ADGRG6: variants seen among roughly 807,000 people sequenced by gnomAD.
The protein encoded by ADGRG6 is G-protein coupled receptor 126.
A neutral mutation model predicts 142.4 loss-of-function variants in ADGRG6; 84 were observed. The observed-to-expected ratio is 0.59, with a 90% CI of 0.49 to 0.71. The LOEUF (loss-of-function observed/expected upper bound fraction) is 0.71. Among genes scored for constraint, ADGRG6 ranks in the 30% least tolerant of loss-of-function variants. The probability of loss-of-function intolerance (pLI) is 0.00; values close to 1 mark genes in which losing one functional copy is unlikely to be tolerated. For synonymous variants in ADGRG6, 521 were observed against 520.5 expected (o/e 1.00, Z -0.01); for missense variants, 1,367 against 1,466.6 (o/e 0.93, Z 1.11).
intron 4 of ADGRG6, among the ~76,000 whole-genome samples, chr6:142,373,335 G>T (rs1417332035): frequency 6.6e-6 from 1 of 151,458 alleles, no homozygotes; most frequent in Admixed American, 6.6e-5. Flanking sequence ...CTGGCCAGCA[G>T]TGCATTCTGT....
At chr6:142,377,312 C>T (rs533459397) in intron 4 of ADGRG6, among the ~76,000 whole-genome samples, 1 of 152,320 alleles carries the variant, frequency 6.6e-6, no homozygotes, top group East Asian at 1.9e-4. Context: ...CCCTCCACCT[C>T]ACTGATTGAT....
At chr6:142,389,581 CA>C (rs1774771758) in intron 6 of ADGRG6, among the ~76,000 whole-genome samples, 1 of 151,840 alleles carries the variant, frequency 6.6e-6, no homozygotes, top group East Asian at 1.9e-4. Context: ...ATCTTCTTTA[CA>C]ATAAGGTTTT....
At chr6:142,435,183 A>G (rs960644654) in intron 22 of ADGRG6, among the ~76,000 whole-genome samples, 10 of 152,128 alleles carry the variant, frequency 6.6e-5, no homozygotes, top group African/African-American at 2.4e-4. Flanking sequence ...CCTTTGTTCC[A>G]TGAATACAAG....
chr6:142,443,476 TATC>T lies in ADGRG6; in HGVS notation c.3717_3719del (p.Ile1239del), dbSNP rs763903726. On this transcript the variant is annotated inframe_deletion, in exon 25 of 25. Transcript: ENST00000367609. ...ATTCAGACAACTTCTATAAAAATAT[TATC>T]ATGTCAGACACCTTCAGCCACAGCA... 2 of 1,612,076 alleles carry T rather than the reference TATC, an allele frequency of 1.2e-6. No homozygotes were observed. Among genetic ancestry groups the T allele is most frequent in the Admixed American group, 3.3e-5 (2 of 59,928 alleles).
Position 142,370,715 on chromosome 6 carries a change from G to A in ADGRG6, c.991G>A (p.Gly331Arg), listed in dbSNP as rs1781201835. The change falls in exon 4 of 25, where the codon GGG (glycine) becomes AGG (arginine). Residue 331 changes from glycine (G) to arginine (R), a missense_variant. Transcript: ENST00000367609. ...CTCCAACCTCAGCTGTAATGTGAAA[G>A]GGAATGTAGTCGACTGGCAAAATGA... is the stretch of plus-strand genomic sequence containing the variant. The part of the protein sequence containing the change: ...ILSNLSCNVK[G>R]NVVDWQNDFW... 1 of 1,613,560 alleles carries A rather than the reference G, an allele frequency of 6.2e-7. No homozygotes were observed. The highest frequency in any genetic ancestry group is 1.1e-5 in the South Asian group (1 of 91,068).
chr6:142,307,534 G>A (rs1777563487), intron 1 of ADGRG6, among the ~76,000 whole-genome samples: 1 of 151,908 alleles, frequency 6.6e-6, no homozygotes, highest in South Asian at 2.1e-4. Context: ...CGTTTTAAAA[G>A]CCCCTACAGA....
At chr6:142,366,766 A>AG (rs1258511241) in intron 2 of ADGRG6, among the ~76,000 whole-genome samples, 4 of 151,844 alleles carry the variant, frequency 2.6e-5, no homozygotes, top group Non-Finnish European at 5.9e-5. Flanking sequence ...AAAAAAAAAA[A>AG]AAGATTCCTT....
At chr6:142,437,321 T>C (rs1475711114) in intron 22 of ADGRG6, 113 bp from the exon 23 acceptor site, 1 of 576,016 alleles carries the variant, frequency 1.7e-6, no homozygotes. Flanking sequence ...TCTTTGTTTC[T>C]TAGTGCCTTT....
At chr6:142,435,065 A>G (rs541191837) in intron 22 of ADGRG6, among the ~76,000 whole-genome samples, 25 of 152,110 alleles carry the variant, frequency 1.6e-4, no homozygotes, top group Non-Finnish European at 3.4e-4. Context: ...ACAAGCTGCA[A>G]TGTAGTTTTC....
chr6:142,313,641 T>C (rs1009972306), intron 2 of ADGRG6, among the ~76,000 whole-genome samples: 4 of 152,174 alleles, frequency 2.6e-5, no homozygotes, highest in Non-Finnish European at 4.4e-5. Flanking sequence ...GGGCACAGCA[T>C]AGTTCTGGAA....
chr6:142,424,221 G>C (rs1776819448), intron 22 of ADGRG6, among the ~76,000 whole-genome samples: 1 of 111,206 alleles, frequency 9.0e-6, no homozygotes, highest in Non-Finnish European at 1.9e-5. Flanking sequence ...AATAGGAGTG[G>C]TGAGAGAGGG....
rs563781049 is a variant in ADGRG6, at chr6:142,389,838, A to T, written c.1223-420A>T. Among the ~76,000 whole-genome samples, 199 of 151,976 alleles carry T rather than the reference A, an allele frequency of 1.3e-3. 1 individual carries two copies. The highest frequency in any genetic ancestry group is 4.5e-3 in the African/African-American group (187 of 41,554). ...TCTGCTTTTTCAAGTTAATTCCTCC[A>T]TATGATCTCATTCAAGTTTTCACAT... On this transcript the variant is annotated intron_variant, in intron 6 of 24. Transcript: ENST00000367609.
chr6:142,379,302 A>G (rs1327283576), intron 4 of ADGRG6, among the ~76,000 whole-genome samples: 1 of 152,110 alleles, frequency 6.6e-6, no homozygotes, highest in Admixed American at 6.6e-5. Flanking sequence ...AATTTCTTGT[A>G]TCTGTATCTA....
chr6:142,325,427 G>T (rs1158787062), intron 2 of ADGRG6, among the ~76,000 whole-genome samples: 2 of 152,042 alleles, frequency 1.3e-5, no homozygotes, highest in Admixed American at 6.6e-5. Context: ...CTGGATTTAG[G>T]ATTAATTTTG....
At chr6:142,428,347 ACTAT>A (rs1022265854) in intron 22 of ADGRG6, among the ~76,000 whole-genome samples, 9 of 152,264 alleles carry the variant, frequency 5.9e-5, no homozygotes, top group Admixed American at 2.6e-4. Flanking sequence ...GAAAATTGTT[ACTAT>A]CTGTTTGATT....
intron 1 of ADGRG6, among the ~76,000 whole-genome samples, chr6:142,309,151 G>A (rs1777639634): frequency 1.3e-5 from 2 of 151,822 alleles, no homozygotes; most frequent in African/African-American, 4.8e-5. Context: ...ATTTCTGGGA[G>A]ATTATAAGGA....
chr6:142,396,253 T>G (rs533876118), intron 9 of ADGRG6, among the ~76,000 whole-genome samples: 18 of 152,186 alleles, frequency 1.2e-4, no homozygotes, highest in Non-Finnish European at 1.9e-4. Context: ...TCATGGGCCA[T>G]TTTAAAAATT....
chr6:142,393,382 G>A (rs750222156), intron 8 of ADGRG6, among the ~76,000 whole-genome samples: 13 of 151,832 alleles, frequency 8.6e-5, no homozygotes, highest in Admixed American at 2.0e-4. Flanking sequence ...ATCTAATTTC[G>A]TACATCGACA....
chr6:142,443,356 G>A lies in ADGRG6; in HGVS notation c.3594G>A (p.Lys1198=), dbSNP rs750452978. 6.2e-7 allele frequency: 1 copy of A among 1,610,956 alleles called. No individual in the cohort carries two copies. Among genetic ancestry groups the A allele is most frequent in the Admixed American group, 1.7e-5 (1 of 59,546 alleles). The change falls in exon 25 of 25, where the codon AAG becomes AAA. Residue 1198 remains lysine (K), a synonymous_variant. Coordinates refer to ENST00000367609, the MANE Select transcript of ADGRG6 (RefSeq NM_198569.3). ...NSHTDSASMD[K]SLSKLAHADG... The stretch of plus-strand genomic sequence containing the variant: ...TTGCAGACAGTGCTTCCATGGACAA[G>A]TCCTTGTCAAAACTGGCCCATGCTG...
Sources: gnomAD v4.1 joint callset for allele counts (sites outside exome capture counted in the v4.1 genomes callset) on GRCh38, gnomAD v4.1.1 for gene constraint, MANE v1.5 for transcripts, NCBI Gene and HGNC (gene_info 2026-07-23, HGNC 2026-07-21) for gene names.